Variants in DCLK1 observed in about 807,000 individuals in gnomAD.
The protein encoded by DCLK1 is doublecortin like kinase 1.
A neutral mutation model predicts 86.2 loss-of-function variants in DCLK1; 16 were observed. That is an observed-to-expected ratio of 0.19 (90% CI 0.13 to 0.28). DCLK1 has a LOEUF of 0.28. Among genes scored for constraint, DCLK1 ranks in the 10% least tolerant of loss-of-function variants. The pLI, the probability that DCLK1 is intolerant of heterozygous loss-of-function variation, is 1.00. For missense variants in DCLK1, 590 were observed against 940.2 expected, an observed-to-expected ratio of 0.63 and a Z score of 4.87; for synonymous variants, 369 against 370.5, an observed-to-expected ratio of 1.00 and a Z score of 0.05.
chr13:35,852,967 T>C (rs1438176689), intron 6 of DCLK1, among the ~76,000 whole-genome samples: 1 of 152,196 alleles, frequency 6.6e-6, no homozygotes, highest in African/African-American at 2.4e-5. Flanking sequence ...AAGCATACAC[T>C]CTAAGAGACA....
At chr13:35,822,390 T>C in intron 11 of DCLK1, among the ~76,000 whole-genome samples, 1 of 152,180 alleles carries the variant, frequency 6.6e-6, no homozygotes, top group East Asian at 1.9e-4. Context: ...GTAAAAACTT[T>C]CTAACATAAA....
chr13:36,013,671 C>A (rs1406771521), intron 3 of DCLK1, among the ~76,000 whole-genome samples: 1 of 152,182 alleles, frequency 6.6e-6, no homozygotes, highest in Non-Finnish European at 1.5e-5. Context: ...GAGGTTACTG[C>A]TGTCTTTTTG....
rs1322088693 is a variant in DCLK1, at chr13:35,793,400, G to A, written c.2024C>T (p.Pro675Leu). Residue 675 changes from proline (P) to leucine (L), a missense_variant, in exon 16 of 17, where the codon CCG (proline) becomes CTG (leucine). Pro to Leu is a moderately conservative substitution (Grantham distance 98, BLOSUM62 -3). Transcript: ENST00000360631. ...AGAAACTCCAGCTGCTGTGCTATTCGGCTTGGGGCCTGTGTTGAAATGCTT... is the reference window on the plus strand; with the variant it reads ...AGAAACTCCAGCTGCTGTGCTATTCAGCTTGGGGCCTGTGTTGAAATGCTT... ...IKKHFNTGPK[P>L]NSTAAGVSVI... 26 of 1,608,552 alleles carry A rather than the reference G, an allele frequency of 1.6e-5. No homozygotes were observed. Among genetic ancestry groups the A allele is most frequent in the Middle Eastern group, 1.7e-4 (1 of 6,040 alleles).
rs1019078173 is a variant in DCLK1, at chr13:35,809,209, C to T, written c.1689-114G>A. On this transcript the variant is annotated intron_variant, in intron 12 of 16. Transcript: ENST00000360631. Reference sequence around the variant, plus strand: ...CCAAAAATAAAACCAAACAAAATAACAATCCCAACAACAAACGCTAAACTA... The same window carrying T: ...CCAAAAATAAAACCAAACAAAATAATAATCCCAACAACAAACGCTAAACTA... The T allele has an allele frequency of 7.3e-6, 5 of 685,574 alleles. No individual in the cohort carries two copies. The African/African-American group carries it at 9.0e-5, about 12-fold the overall frequency. The allele number at this position is 685,574 out of a possible 1,614,324, so 42.5% of individuals were successfully genotyped here.
At chr13:35,788,170 T>G in intron 16 of DCLK1, 1 of 1,593,612 alleles carries the variant, frequency 6.3e-7, no homozygotes. Flanking sequence ...TGCCAGCACG[T>G]TGCCATGGAA....
In DCLK1 at chr13:35,787,034, T is replaced by G. The variant is rs530750656; in HGVS notation, c.2058+6332A>C. 9.2e-5 allele frequency among the ~76,000 whole-genome samples: 14 copies of G among 151,600 alleles called. No homozygotes were observed. The South Asian group carries it at 2.9e-3, about 32-fold the overall frequency. ...ATGTACTATGTTTTGAGTGTCTGAT[T>G]ATAGAAAAATAACCAGGAGTAACAA... On this transcript the variant is annotated intron_variant, in intron 16 of 16. Transcript: ENST00000360631.
chr13:36,044,826 A>AT (rs1022869432), intron 3 of DCLK1, among the ~76,000 whole-genome samples: 4 of 152,042 alleles, frequency 2.6e-5, no homozygotes, highest in African/African-American at 4.8e-5. Context: ...AAATAAACAT[A>AT]TTTTTTTAAG....
chr13:35,880,585 A>G (rs1380822860), intron 4 of DCLK1, among the ~76,000 whole-genome samples: 1 of 152,208 alleles, frequency 6.6e-6, no homozygotes, highest in Non-Finnish European at 1.5e-5. Flanking sequence ...CCTCAAAAAC[A>G]CAAACATGTA....
intron 3 of DCLK1, among the ~76,000 whole-genome samples, chr13:36,047,690 G>C (rs1200614015): frequency 6.6e-6 from 1 of 151,856 alleles, no homozygotes; most frequent in Non-Finnish European, 1.5e-5. Context: ...TTGGAAGAGG[G>C]AATTGGGAAT....
At position 35,994,283 on chromosome 13, in the gene DCLK1, A is replaced by G. The variant is rs984996966; in HGVS notation, c.724-46826T>C. On this transcript the variant is annotated intron_variant, in intron 3 of 16. Transcript: ENST00000360631. The stretch of plus-strand genomic sequence containing the variant: ...TTCACTGATGGATGTTTGTGGCAGG[A>G]GCCAAGCGAATTAGTCAGATAAAAT... 5.7e-4 allele frequency among the ~76,000 whole-genome samples: 87 copies of G among 152,188 alleles called. 1 individual carries two copies. The highest frequency in any genetic ancestry group is 9.2e-4 in the Admixed American group (14 of 15,276).
intron 4 of DCLK1, among the ~76,000 whole-genome samples, chr13:35,896,409 G>A (rs1873985646): frequency 1.3e-5 from 2 of 151,838 alleles, no homozygotes; most frequent in South Asian, 4.2e-4. Context: ...TATGGTGCAT[G>A]CGCCTGTAAT....
At chr13:35,996,710 T>TAC (rs1424017943) in intron 3 of DCLK1, among the ~76,000 whole-genome samples, 1 of 131,010 alleles carries the variant, frequency 7.6e-6, no homozygotes. Flanking sequence ...TTTCCATATA[T>TAC]ATATATACAC....
chr13:36,128,102 C>T (rs901995329), intron 1 of DCLK1, among the ~76,000 whole-genome samples: 1 of 152,148 alleles, frequency 6.6e-6, no homozygotes, highest in Non-Finnish European at 1.5e-5. Flanking sequence ...AGTAAACTGA[C>T]CTCTGATCCA....
intron 1 of DCLK1, among the ~76,000 whole-genome samples, chr13:36,126,375 A>C (rs999048942): frequency 1.3e-5 from 2 of 152,054 alleles, no homozygotes; most frequent in African/African-American, 4.8e-5. Flanking sequence ...GGACTACTAC[A>C]GGTTACAGGT....
intron 3 of DCLK1, among the ~76,000 whole-genome samples, chr13:36,045,318 A>ATGTGTG (rs1190083437): frequency 1.1e-4 from 9 of 80,076 alleles, no homozygotes; most frequent in African/African-American, 4.8e-4. Flanking sequence ...ATGTCTATAT[A>ATGTGTG]TGTGTGTGTG....
intron 3 of DCLK1, among the ~76,000 whole-genome samples, chr13:35,952,130 C>T (rs1192461614): frequency 6.6e-6 from 1 of 152,010 alleles, no homozygotes; most frequent in Non-Finnish European, 1.5e-5. Context: ...TTTATTAGCC[C>T]AAATGTATTT....
chr13:35,920,267 C>T (rs568835157), intron 4 of DCLK1, among the ~76,000 whole-genome samples: 20 of 152,318 alleles, frequency 1.3e-4, no homozygotes, highest in African/African-American at 4.6e-4. Context: ...CTGCCCTTCA[C>T]GTGTCCTTGC....
At chr13:35,925,060 G>A (rs1221979664) in intron 4 of DCLK1, among the ~76,000 whole-genome samples, 1 of 152,164 alleles carries the variant, frequency 6.6e-6, no homozygotes, top group Non-Finnish European at 1.5e-5. Context: ...TCCACTACAA[G>A]AGCACTTACT....
At chr13:36,082,286 G>A (rs549676473) in intron 3 of DCLK1, among the ~76,000 whole-genome samples, 2 of 152,070 alleles carry the variant, frequency 1.3e-5, no homozygotes, top group Admixed American at 1.3e-4. Flanking sequence ...TCCACTTAAC[G>A]AATAGGAGTT....
Sources: allele counts gnomAD v4.1 joint callset (sites outside exome capture counted in the v4.1 genomes callset), GRCh38; gene constraint gnomAD v4.1.1; transcripts MANE v1.5; gene names NCBI Gene and HGNC (gene_info 2026-07-23, HGNC 2026-07-21).